The following PPP1R9A variants were observed in gnomAD, a reference collection of about 807,000 sequenced individuals.
PPP1R9A encodes the protein neurabin-1.
A neutral mutation model predicts 141.9 loss-of-function variants in PPP1R9A; 59 were observed. The observed-to-expected ratio is 0.42, with a 90% CI of 0.34 to 0.52. The LOEUF (loss-of-function observed/expected upper bound fraction) is 0.52, where lower values mean the gene tolerates loss of function less well. Ranked by LOEUF, PPP1R9A falls within the 20% of genes least tolerant of loss-of-function variation. PPP1R9A has a pLI of 0.10. For missense variants in PPP1R9A, 1,444 were observed against 1,611.9 expected, an observed-to-expected ratio of 0.90 and a Z score of 1.78; for synonymous variants, 500 against 569.7, an observed-to-expected ratio of 0.88 and a Z score of 1.74.
intron 2 of PPP1R9A, among the ~76,000 whole-genome samples, chr7:94,931,409 G>A (rs1325029653): frequency 1.3e-5 from 2 of 151,910 alleles, no homozygotes; most frequent in Non-Finnish European, 1.5e-5. Context: ...TTTTGTTTCC[G>A]GAAACAGATA....
Position 95,210,823 on chromosome 7 carries a change from A to G in PPP1R9A, c.1956+7093A>G, listed in dbSNP as rs183283873. ...CATGCAGTACTATGCAGTCATAAAAAAGGATGAGTTAATGTCCTTTGCAAG... is the reference window on the plus strand; with the variant it reads ...CATGCAGTACTATGCAGTCATAAAAGAGGATGAGTTAATGTCCTTTGCAAG... On this transcript the variant is annotated intron_variant, in intron 7 of 19. Transcript: ENST00000433360. Among the ~76,000 whole-genome samples the G allele has an allele frequency of 1.2e-4, 19 of 152,326 alleles. No homozygotes were observed. In the East Asian group the frequency reaches 3.7e-3, roughly 29 times the overall value.
intron 5 of PPP1R9A, among the ~76,000 whole-genome samples, chr7:95,184,918 T>C (rs1834397900): frequency 6.6e-6 from 1 of 152,186 alleles, no homozygotes; most frequent in Non-Finnish European, 1.5e-5. Context: ...AGAATTCTGC[T>C]GCAATAAACG....
chr7:95,131,732 A>G (rs993653950), intron 4 of PPP1R9A, among the ~76,000 whole-genome samples: 2 of 151,612 alleles, frequency 1.3e-5, no homozygotes. Context: ...GAAAAATGAC[A>G]TTGGTAGTTT....
intron 2 of PPP1R9A, among the ~76,000 whole-genome samples, chr7:95,045,397 A>G (rs1809857774): frequency 6.6e-6 from 1 of 152,170 alleles, no homozygotes; most frequent in African/African-American, 2.4e-5. Flanking sequence ...ACCTTTTCCC[A>G]TCTCTTAGGG....
At chr7:95,182,841 A>C (rs1834059205) in intron 5 of PPP1R9A, among the ~76,000 whole-genome samples, 1 of 152,106 alleles carries the variant, frequency 6.6e-6, no homozygotes, top group Non-Finnish European at 1.5e-5. Flanking sequence ...GATTTCAAAA[A>C]AACTAATTAA....
intron 2 of PPP1R9A, among the ~76,000 whole-genome samples, chr7:95,044,207 T>G (rs1809658213): frequency 6.6e-6 from 1 of 152,198 alleles, no homozygotes; most frequent in African/African-American, 2.4e-5. Context: ...GCCTCAGATC[T>G]TGAAAGCCAC....
chr7:95,226,642 C>G (rs1585347566), intron 8 of PPP1R9A, among the ~76,000 whole-genome samples: 1 of 152,154 alleles, frequency 6.6e-6, no homozygotes, highest in Non-Finnish European at 1.5e-5. Context: ...ACATCTGCAG[C>G]TTTATAAGAT....
intron 2 of PPP1R9A, among the ~76,000 whole-genome samples, chr7:94,984,292 C>CT (rs1027103540): frequency 2.6e-4 from 39 of 152,160 alleles, no homozygotes; most frequent in African/African-American, 8.4e-4. Flanking sequence ...CTAAAATTCT[C>CT]TTTTTTTGCT....
chr7:95,108,330 T>TTG (rs1156336349), intron 2 of PPP1R9A, among the ~76,000 whole-genome samples: 2 of 139,766 alleles, frequency 1.4e-5, no homozygotes, highest in Non-Finnish European at 3.1e-5. Context: ...TTTTTTTTTT[T>TTG]TTTGAGACAG....
At chr7:95,101,392 A>G (rs895573981) in intron 2 of PPP1R9A, among the ~76,000 whole-genome samples, 6 of 152,222 alleles carry the variant, frequency 3.9e-5, no homozygotes, top group African/African-American at 1.4e-4. Context: ...CACTGATGTT[A>G]CATGTCCATG....
chr7:95,135,684 TC>T (rs557889104), intron 4 of PPP1R9A, among the ~76,000 whole-genome samples: 13 of 151,476 alleles, frequency 8.6e-5, no homozygotes, highest in Non-Finnish European at 1.9e-4. Flanking sequence ...TTTTTTATAA[TC>T]TATTATTTAG....
rs538053551 is a variant in PPP1R9A, at chr7:95,169,908, A to C, written c.1754+7937A>C. 1.3e-3 allele frequency among the ~76,000 whole-genome samples: 203 copies of C among 152,004 alleles called. 2 individuals carry two copies. The highest frequency in any genetic ancestry group is 4.7e-3 in the African/African-American group (197 of 41,558). On this transcript the variant is annotated intron_variant, in intron 5 of 19. Coordinates refer to ENST00000433360, the MANE Select transcript of PPP1R9A (RefSeq NM_001166160.2). ...AATATGAGCCACAATCAGTGGAAAA[A>C]TTAATTGAAACAGATCCAGCAATGT...
chr7:94,972,456 G>C (rs1798958988), intron 2 of PPP1R9A, among the ~76,000 whole-genome samples: 1 of 151,016 alleles, frequency 6.6e-6, no homozygotes, highest in Non-Finnish European at 1.5e-5. Context: ...TTGTTCTCTA[G>C]CAGTGACCTC....
At chr7:95,229,112 TAAAC>T (rs1795548098) in intron 8 of PPP1R9A, among the ~76,000 whole-genome samples, 1 of 151,730 alleles carries the variant, frequency 6.6e-6, no homozygotes, top group South Asian at 2.1e-4. Flanking sequence ...CCATCTCAAA[TAAAC>T]AAAAACTGGG....
At chr7:95,101,943 G>A (rs1818849559) in intron 2 of PPP1R9A, among the ~76,000 whole-genome samples, 1 of 152,050 alleles carries the variant, frequency 6.6e-6, no homozygotes, top group East Asian at 1.9e-4. Flanking sequence ...GGTTGTTAAG[G>A]AGAGCATCCA....
At chr7:95,239,249 T>G (rs1797118970) in intron 8 of PPP1R9A, among the ~76,000 whole-genome samples, 1 of 152,202 alleles carries the variant, frequency 6.6e-6, no homozygotes, top group South Asian at 2.1e-4. Flanking sequence ...GATGGCATGT[T>G]GAAAGTACAT....
At chr7:94,919,371 C>T (rs1178312170) in intron 2 of PPP1R9A, among the ~76,000 whole-genome samples, 1 of 145,678 alleles carries the variant, frequency 6.9e-6, no homozygotes, top group African/African-American at 2.6e-5. Flanking sequence ...TCTTGAACTC[C>T]TGGGCTCAAG....
At chr7:95,123,848 C>G (rs1823071445) in intron 4 of PPP1R9A, among the ~76,000 whole-genome samples, 1 of 152,020 alleles carries the variant, frequency 6.6e-6, no homozygotes, top group East Asian at 1.9e-4. Flanking sequence ...TAGTGCTATT[C>G]ATATATATGA....
chr7:94,970,025 C>A (rs1486692337), intron 2 of PPP1R9A, among the ~76,000 whole-genome samples: 1 of 152,146 alleles, frequency 6.6e-6, no homozygotes, highest in East Asian at 1.9e-4. Context: ...CCCAGGTCGA[C>A]TTCATACTGC....
Sources: allele counts gnomAD v4.1 joint callset (sites outside exome capture counted in the v4.1 genomes callset), GRCh38; gene constraint gnomAD v4.1.1; transcripts MANE v1.5; gene names NCBI Gene and HGNC (gene_info 2026-07-23, HGNC 2026-07-21).